Variants in ZNF654 observed in about 807,000 individuals in gnomAD.
ZNF654 encodes the protein melanoma-associated antigen.
ZNF654 carries 19 observed loss-of-function variants against 95.3 expected under a neutral mutation model. The observed-to-expected ratio is 0.20, with a 90% CI of 0.14 to 0.29. The LOEUF is 0.29. Ranked by LOEUF, ZNF654 falls within the 10% of genes least tolerant of loss-of-function variation. The probability of loss-of-function intolerance (pLI) is 1.00; values close to 1 mark genes in which losing one functional copy is unlikely to be tolerated. For missense variants in ZNF654, 1,046 were observed against 1,341.0 expected (o/e 0.78, Z 3.44); for synonymous variants, 413 against 457.9 (o/e 0.90, Z 1.25).
At chr3:88,084,551 A>G (rs1206677321) in intron 1 of ZNF654, among the ~76,000 whole-genome samples, 7 of 152,188 alleles carry the variant, frequency 4.6e-5, no homozygotes, top group African/African-American at 1.7e-4. Flanking sequence ...ACGAGATACA[A>G]GTTCAGAGAC....
intron 1 of ZNF654, among the ~76,000 whole-genome samples, chr3:88,078,637 C>T (rs1470899900): frequency 6.6e-6 from 1 of 152,076 alleles, no homozygotes; most frequent in Non-Finnish European, 1.5e-5. Flanking sequence ...CTCTAGCCAT[C>T]ACTATGGGTT....
chr3:88,093,064 T>A (rs1409336772), intron 2 of ZNF654, among the ~76,000 whole-genome samples: 1 of 152,184 alleles, frequency 6.6e-6, no homozygotes, highest in Non-Finnish European at 1.5e-5. Flanking sequence ...TTATAAGATG[T>A]ATTTTCTGAA....
chr3:88,078,954 AT>A (rs1707948787), intron 1 of ZNF654, among the ~76,000 whole-genome samples: 1 of 152,050 alleles, frequency 6.6e-6, no homozygotes, highest in African/African-American at 2.4e-5. Context: ...AACTTTTCAG[AT>A]TTATAGGTGA....
At chr3:88,126,579 CTTTTTTTTTTTTT>C (rs144091813) in intron 4 of ZNF654, among the ~76,000 whole-genome samples, 6 of 81,776 alleles carry the variant, frequency 7.3e-5, no homozygotes, top group East Asian at 8.0e-4. Context: ...GTAGAAACAT[CTTTTTTTTTTTTT>C]TTTTTTTTTT....
chr3:88,127,717 C>CT (rs747857158), intron 4 of ZNF654, among the ~76,000 whole-genome samples: 1 of 152,114 alleles, frequency 6.6e-6, no homozygotes, highest in Non-Finnish European at 1.5e-5. Context: ...CGTCTGAGGG[C>CT]TGATGGCCTT....
chr3:88,114,383 A>G (rs767998683), intron 3 of ZNF654, among the ~76,000 whole-genome samples: 20 of 152,188 alleles, frequency 1.3e-4, no homozygotes, highest in Admixed American at 7.9e-4. Flanking sequence ...CTTCCACTTT[A>G]AATGTATGAA....
chr3:88,120,826 G>A (rs1005735136), intron 3 of ZNF654, among the ~76,000 whole-genome samples: 50 of 151,876 alleles, frequency 3.3e-4, no homozygotes, highest in Admixed American at 2.4e-3. Context: ...TGATTATAGC[G>A]TATTTTTGAA....
At position 88,128,973 on chromosome 3, in the gene ZNF654, C is replaced by T; in HGVS notation, c.715C>T (p.Leu239=). ...LYFHQALFTC[L]FMSPVEDQLF... is the part of the protein sequence containing the mutation. ...CTTCCATCAAGCACTCTTCACATGT[C>T]TGTTTATGTCACCTGTAGAAGATCA... Residue 239 remains leucine, a synonymous_variant, in exon 5 of 9, where the codon CTG becomes TTG. Transcript: ENST00000636215. 1 of 1,534,620 alleles carries T rather than the reference C, an allele frequency of 6.5e-7. No homozygotes were observed. The highest frequency in any genetic ancestry group is 8.7e-7 in the Non-Finnish European group (1 of 1,146,210).
In ZNF654 at chr3:88,059,487, C is replaced by T. The variant is rs1291643451; in HGVS notation, c.168C>T (p.Tyr56=). The T allele has an allele frequency of 6.7e-7, 1 of 1,499,730 alleles. No homozygotes were observed. The highest frequency in any genetic ancestry group is 1.3e-5 in the South Asian group (1 of 79,022). The allele number at this position is 1,499,730 out of a possible 1,614,324, so 92.9% of individuals were successfully genotyped here. The part of the protein sequence containing the change: ...GGGVGISSRD[Y]CRRFCQVVED... ...GCGTCGGAATCAGCAGTCGGGATTACTGCCGACGCTTCTGTCAGGTGAGGC... is the reference window on the plus strand; with the variant it reads ...GCGTCGGAATCAGCAGTCGGGATTATTGCCGACGCTTCTGTCAGGTGAGGC... Residue 56 remains tyrosine (Y), a synonymous_variant, in exon 1 of 9, where the codon TAC becomes TAT. Coordinates refer to ENST00000636215, the MANE Select transcript of ZNF654 (RefSeq NM_001350134.2).
chr3:88,110,295 A>G (rs1000302459), intron 2 of ZNF654, among the ~76,000 whole-genome samples: 12 of 152,138 alleles, frequency 7.9e-5, no homozygotes, highest in African/African-American at 2.9e-4. Flanking sequence ...TCTGTAAAGG[A>G]CCAGATACTA....
intron 7 of ZNF654, among the ~76,000 whole-genome samples, chr3:88,135,879 T>C (rs577320038): frequency 6.6e-6 from 1 of 152,152 alleles, no homozygotes; most frequent in Non-Finnish European, 1.5e-5. Flanking sequence ...TGAATCTCTA[T>C]GTTGGTTACT....
At chr3:88,085,793 T>G (rs1708308216) in intron 1 of ZNF654, among the ~76,000 whole-genome samples, 1 of 152,220 alleles carries the variant, frequency 6.6e-6, no homozygotes, top group South Asian at 2.1e-4. Context: ...TAAATATTCA[T>G]AATCAGTATC....
Position 88,088,795 on chromosome 3 carries a change from T to TGGATGGAG in ZNF654, c.332+2396_332+2397insTGGAGGGA, listed in dbSNP as rs1559701761. Among the ~76,000 whole-genome samples, 11 of 151,512 alleles carry TGGATGGAG rather than the reference T, an allele frequency of 7.3e-5. 1 individual carries two copies. The highest frequency in any genetic ancestry group is 2.4e-4 in the African/African-American group (10 of 41,210). On this transcript the variant is annotated intron_variant, in intron 2 of 8. Coordinates refer to ENST00000636215, the MANE Select transcript of ZNF654 (RefSeq NM_001350134.2). ...ATGGATGGATGGATGGATGGATGGA[T>TGGATGGAG]GGAGTCTGGCTCTGTCGCCTAGGTT...
chr3:88,093,898 C>T (rs1703895269), intron 2 of ZNF654, among the ~76,000 whole-genome samples: 1 of 152,124 alleles, frequency 6.6e-6, no homozygotes, highest in Non-Finnish European at 1.5e-5. Context: ...TATTGTAGGT[C>T]CCAATGAGTA....
intron 6 of ZNF654, among the ~76,000 whole-genome samples, chr3:88,131,760 T>C (rs1426381286): frequency 6.6e-6 from 1 of 152,138 alleles, no homozygotes; most frequent in Non-Finnish European, 1.5e-5. Flanking sequence ...TTATTTCTTC[T>C]ACCTCTTTTC....
At position 88,131,640 on chromosome 3, in the gene ZNF654, C is replaced by A. The variant is rs1271893954; in HGVS notation, c.893+1814C>A. 4.6e-5 allele frequency among the ~76,000 whole-genome samples: 7 copies of A among 152,216 alleles called. No homozygotes were observed. In the East Asian group the frequency reaches 1.4e-3, roughly 29 times the overall value. ...GTCTTCTGGCTCCTGGCCACAGAAA[C>A]CTTCTAAGAATAGAGGCTCAGTGTC... On this transcript the variant is annotated intron_variant, in intron 6 of 8. Transcript: ENST00000636215.
chr3:88,059,268 ACGGCGGCGG>A lies in ZNF654; in HGVS notation c.-43_-35del. 6.5e-7 allele frequency: 1 copy of A among 1,531,674 alleles called. No individual in the cohort carries two copies. Among genetic ancestry groups the A allele is most frequent in the Non-Finnish European group, 8.7e-7 (1 of 1,145,744 alleles). The allele number at this position is 1,531,674 out of a possible 1,614,324, so 94.9% of individuals were successfully genotyped here. On this transcript the variant is annotated 5_prime_UTR_variant, in exon 1 of 9. Transcript: ENST00000636215. ...GAGGAGGAGGTTAGCCTAGGCATCT[ACGGCGGCGG>A]CGGCGGCGCAGGGGCTGGTACGCGC...
intron 1 of ZNF654, among the ~76,000 whole-genome samples, chr3:88,085,769 T>C (rs542090109): frequency 6.6e-6 from 1 of 152,178 alleles, no homozygotes; most frequent in Non-Finnish European, 1.5e-5. Context: ...CTTTTCCCCA[T>C]AGTATGTACA....
rs1393489485 is a variant in ZNF654, at chr3:88,129,681, T to G, written c.754-6T>G. The G allele has an allele frequency of 4.2e-5, 61 of 1,461,800 alleles. No individual in the cohort carries two copies. Among genetic ancestry groups the G allele is most frequent in the Admixed American group, 1.1e-4 (5 of 44,276 alleles). The allele number at this position is 1,461,800 out of a possible 1,614,324, so 90.6% of individuals were successfully genotyped here. A position where few individuals can be genotyped will look rare whatever the true frequency, so the allele number is the denominator to read the frequency against. On this transcript the variant is annotated splice_region_variant and splice_polypyrimidine_tract_variant and intron_variant, in intron 5 of 8. Transcript: ENST00000636215. ...ATATGAACTGATTTCTCTTTTCCTC[T>G]TACAGCATTTATTGAAAACTGATTG... is the stretch of plus-strand genomic sequence containing the variant.
Sources: allele counts gnomAD v4.1 joint callset (sites outside exome capture counted in the v4.1 genomes callset), GRCh38; gene constraint gnomAD v4.1.1; transcripts MANE v1.5; gene names NCBI Gene and HGNC (gene_info 2026-07-23, HGNC 2026-07-21).